CEP85L: variants seen among roughly 807,000 people sequenced by gnomAD.
CEP85L encodes centrosomal protein of 85 kDa-like.
Under a neutral mutation model 100.3 loss-of-function variants are expected in CEP85L, and 60 were observed. That is an observed-to-expected ratio of 0.60 (90% CI 0.49 to 0.74). The LOEUF is 0.74. Ranked by LOEUF, CEP85L falls within the 30% of genes least tolerant of loss-of-function variation. The probability of loss-of-function intolerance (pLI) is 0.00; values close to 1 mark genes in which losing one functional copy is unlikely to be tolerated. For missense variants in CEP85L, 973 were observed against 936.2 expected, an observed-to-expected ratio of 1.04 and a Z score of -0.51; for synonymous variants, 319 against 322.7, an observed-to-expected ratio of 0.99 and a Z score of 0.12.
In CEP85L at chr6:118,626,759, A is replaced by G. The variant is rs566622577; in HGVS notation, c.232+5694T>C. On this transcript the variant is annotated intron_variant, in intron 2 of 12. Transcript: ENST00000368491. ...GTCACTCGCCGCAGTCAGCCTCCAC[A>G]CCAATTCTTTGGCGTGGCTAGGCAC... is the stretch of plus-strand genomic sequence containing the variant. Among the ~76,000 whole-genome samples the G allele has an allele frequency of 2.6e-5, 4 of 152,196 alleles. No individual in the cohort carries two copies. The South Asian group carries it at 8.3e-4, about 32-fold the overall frequency.
chr6:118,636,007 T>C (rs1374572275), intron 1 of CEP85L, among the ~76,000 whole-genome samples: 2 of 152,238 alleles, frequency 1.3e-5, no homozygotes, highest in African/African-American at 4.8e-5. Flanking sequence ...AAGAGCCAGA[T>C]TGTAAATATT....
chr6:118,501,657 A>T, intron 5 of CEP85L: 1 of 655,350 alleles, frequency 1.5e-6, no homozygotes, highest in Non-Finnish European at 2.9e-6. Flanking sequence ...AAAGCTGCAA[A>T]GAAGCTGTTA....
intron 2 of CEP85L, among the ~76,000 whole-genome samples, chr6:118,600,300 G>GGGGGGTGTGTGTGTGTGTGTGTGT: frequency 1.9e-5 from 1 of 52,246 alleles, no homozygotes; most frequent in Non-Finnish European, 4.0e-5. Context: ...CCTTCCTGGG[G>GGGGGGTGTGTGTGTGTGTGTGTGT]GTGTGTGTGT....
rs1272662164 is a variant in CEP85L, at chr6:118,529,265, T to A, written c.1021-5345A>T. ...AGACAAAATTATCTTCTCTTACACA[T>A]TTGATGAGTGTTTTTATATGTATCA... On this transcript the variant is annotated intron_variant, in intron 3 of 12. Transcript: ENST00000368491. Among the ~76,000 whole-genome samples the A allele has an allele frequency of 2.6e-5, 4 of 152,186 alleles. No individual in the cohort carries two copies. The East Asian group carries it at 7.7e-4, about 29-fold the overall frequency.
In CEP85L at chr6:118,527,192, C is replaced by T. The variant is rs142489368; in HGVS notation, c.1021-3272G>A. Among the ~76,000 whole-genome samples, 1,387 of 151,848 alleles carry T rather than the reference C, an allele frequency of 9.1e-3. 18 individuals are homozygous for T. The highest frequency in any genetic ancestry group is 0.017 in the Non-Finnish European group (1,160 of 67,932). ...GCTAATTTTGTATTTTTAGTAGAGACGGAGGTTTCTCCATGTTGGTCAGGC... is the reference window on the plus strand; with the variant it reads ...GCTAATTTTGTATTTTTAGTAGAGATGGAGGTTTCTCCATGTTGGTCAGGC... On this transcript the variant is annotated intron_variant, in intron 3 of 12. Coordinates refer to ENST00000368491, the MANE Select transcript of CEP85L (RefSeq NM_001042475.3).
At chr6:118,664,659 C>A (rs543327360) in intron 1 of CEP85L, 8 of 152,334 alleles carry the variant, frequency 5.3e-5, no homozygotes, top group African/African-American at 1.7e-4. Context: ...AATGTGGTAA[C>A]TTTAAAGTTT....
At chr6:118,502,900 TA>T in intron 5 of CEP85L, 1 of 512,820 alleles carries the variant, frequency 1.9e-6, no homozygotes, top group South Asian at 2.1e-5. Flanking sequence ...TTGAAGAACC[TA>T]AAAAGACACG....
At chr6:118,617,789 G>C (rs1773164946) in intron 2 of CEP85L, among the ~76,000 whole-genome samples, 1 of 152,146 alleles carries the variant, frequency 6.6e-6, no homozygotes, top group African/African-American at 2.4e-5. Context: ...AAAGAACCTT[G>C]GGTGTTACAT....
chr6:118,556,294 G>C (rs1778871436), intron 3 of CEP85L, among the ~76,000 whole-genome samples: 1 of 152,172 alleles, frequency 6.6e-6, no homozygotes, highest in African/African-American at 2.4e-5. Context: ...ATATATGCTA[G>C]AAAAATACAG....
At chr6:118,646,363 A>G (rs935748990) in intron 1 of CEP85L, among the ~76,000 whole-genome samples, 6 of 152,108 alleles carry the variant, frequency 3.9e-5, no homozygotes, top group Non-Finnish European at 8.8e-5. Flanking sequence ...ATAATAATGA[A>G]TAACATGTTA....
At chr6:118,622,838 G>T (rs1478376901) in intron 2 of CEP85L, among the ~76,000 whole-genome samples, 1 of 152,214 alleles carries the variant, frequency 6.6e-6, no homozygotes, top group Non-Finnish European at 1.5e-5. Context: ...GCAGCAGAAG[G>T]AAACTGCCGA....
rs1042467219 is a variant in CEP85L at position 118,683,876 on chromosome 6, C to T, written c.-28+26160G>A. On this transcript the variant is annotated intron_variant, in intron 1 of 13. Coordinates refer to the CEP85L transcript ENST00000368488. ...AAGAAGATCATTTCAAAGACTGGGC[C>T]TTTTTTTCTGGTAGCCTAGATGCAG... Among the ~76,000 whole-genome samples, 24 of 152,098 alleles carry T rather than the reference C, an allele frequency of 1.6e-4. 2 individuals carry two copies. Among genetic ancestry groups the T allele is most frequent in the African/African-American group, 5.8e-4 (24 of 41,404 alleles).
chr6:118,549,557 G>A (rs972146843), intron 3 of CEP85L, among the ~76,000 whole-genome samples: 1 of 151,462 alleles, frequency 6.6e-6, no homozygotes, highest in Non-Finnish European at 1.5e-5. Context: ...CTACAAATAA[G>A]AACTTTGTAA....
chr6:118,531,163 G>A (rs1421302494), intron 3 of CEP85L, among the ~76,000 whole-genome samples: 1 of 152,012 alleles, frequency 6.6e-6, no homozygotes, highest in African/African-American at 2.4e-5. Context: ...CAGACACACA[G>A]ACCAATGAAA....
chr6:118,594,229 T>C lies in CEP85L; in HGVS notation c.233-27913A>G, dbSNP rs560547322. 3.3e-5 allele frequency among the ~76,000 whole-genome samples: 5 copies of C among 152,254 alleles called. No homozygotes were observed. In the East Asian group the frequency reaches 5.8e-4, roughly 18 times the overall value. On this transcript the variant is annotated intron_variant, in intron 2 of 12. Transcript: ENST00000368491. ...TAAATAATCCAACAAGTCCTTATCT[T>C]TATAAGGCTTTTGTTTTTACACAAA...
rs1781672559 is a variant in CEP85L at position 118,600,298 on chromosome 6, G to GTGTGTGT, written c.232+32154_232+32155insACACACA. ...TACTGCCTGTCCCTGAGCCTTCCTG[G>GTGTGTGT]GGGTGTGTGTGTGTGTGTGTGTGTG... On this transcript the variant is annotated intron_variant, in intron 2 of 12. Coordinates refer to ENST00000368491, the MANE Select transcript of CEP85L (RefSeq NM_001042475.3). 2.6e-3 allele frequency among the ~76,000 whole-genome samples: 153 copies of GTGTGTGT among 59,182 alleles called. 24 individuals are homozygous for GTGTGTGT. The highest frequency in any genetic ancestry group is 6.6e-3 in the African/African-American group (115 of 17,402). 38.8% of individuals were successfully genotyped at this position (59,182 alleles called of 152,430 possible).
At chr6:118,606,899 C>T (rs1772262008) in intron 2 of CEP85L, among the ~76,000 whole-genome samples, 1 of 151,248 alleles carries the variant, frequency 6.6e-6, no homozygotes, top group Non-Finnish European at 1.5e-5. Flanking sequence ...TTTTTTTAAC[C>T]ATTCAGTCAA....
intron 2 of CEP85L, among the ~76,000 whole-genome samples, chr6:118,593,771 G>A (rs1781317837): frequency 6.6e-6 from 1 of 151,276 alleles, no homozygotes; most frequent in East Asian, 1.9e-4. Flanking sequence ...TTATGAACAA[G>A]TCACCACCAG....
At chr6:118,476,283 G>A (rs374792368) in intron 10 of CEP85L, among the ~76,000 whole-genome samples, 132 of 140,714 alleles carry the variant, frequency 9.4e-4, no homozygotes, top group African/African-American at 3.1e-3. Context: ...CAGTGTGTGC[G>A]TTTTTTTTTT....
Sources: allele counts gnomAD v4.1 joint callset (sites outside exome capture counted in the v4.1 genomes callset), GRCh38; gene constraint gnomAD v4.1.1; transcripts MANE v1.5; gene names NCBI Gene and HGNC (gene_info 2026-07-23, HGNC 2026-07-21).